The following NKAIN3 variants were observed in gnomAD, a reference collection of about 807,000 sequenced individuals.
NKAIN3 encodes the protein sodium/potassium transporting ATPase interacting 3.
Under a neutral mutation model 30.2 loss-of-function variants are expected in NKAIN3, and 25 were observed. The observed-to-expected ratio is 0.83, with a 90% CI of 0.60 to 1.16. The LOEUF (loss-of-function observed/expected upper bound fraction) is 1.16, where lower values mean the gene tolerates loss of function less well. Among genes scored for constraint, NKAIN3 ranks in the 50% most tolerant of loss-of-function variants. NKAIN3 has a pLI of 0.00. For synonymous variants in NKAIN3, 91 were observed against 89.6 expected (o/e 1.02, Z -0.09); for missense variants, 225 against 254.1 (o/e 0.89, Z 0.78).
At chr8:62,781,381 T>C (rs190468713) in intron 4 of NKAIN3, among the ~76,000 whole-genome samples, 1 of 151,454 alleles carries the variant, frequency 6.6e-6, no homozygotes, top group African/African-American at 2.4e-5. Flanking sequence ...ATGCAATCTT[T>C]ATCAAATTGA....
At chr8:62,758,740 T>C (rs1816540410) in intron 4 of NKAIN3, among the ~76,000 whole-genome samples, 1 of 152,168 alleles carries the variant, frequency 6.6e-6, no homozygotes, top group Admixed American at 6.5e-5. Context: ...TAGGTACATA[T>C]ACATGTTTTA....
At chr8:62,442,332 T>A (rs1805353947) in intron 1 of NKAIN3, among the ~76,000 whole-genome samples, 1 of 152,010 alleles carries the variant, frequency 6.6e-6, no homozygotes, top group South Asian at 2.1e-4. Flanking sequence ...CATTTTATAT[T>A]TTTCTAGAAA....
chr8:62,284,602 C>T (rs1001469301), intron 1 of NKAIN3, among the ~76,000 whole-genome samples: 11 of 151,890 alleles, frequency 7.2e-5, no homozygotes, highest in African/African-American at 2.7e-4. Flanking sequence ...TTCACTTCAG[C>T]CTGGGCAACA....
chr8:62,324,993 A>G (rs1305200728), intron 1 of NKAIN3, among the ~76,000 whole-genome samples: 1 of 152,064 alleles, frequency 6.6e-6, no homozygotes, highest in Non-Finnish European at 1.5e-5. Flanking sequence ...ATACATTTTT[A>G]TTTCAATACT....
intron 3 of NKAIN3, among the ~76,000 whole-genome samples, chr8:62,694,272 A>G (rs574208822): frequency 4.6e-5 from 7 of 152,138 alleles, no homozygotes; most frequent in Non-Finnish European, 1.0e-4. Flanking sequence ...TTGCAGCACT[A>G]TTCACAATAG....
chr8:62,789,329 C>A (rs981123109), intron 4 of NKAIN3, among the ~76,000 whole-genome samples: 4 of 152,224 alleles, frequency 2.6e-5, no homozygotes, highest in Non-Finnish European at 5.9e-5. Context: ...ATTTGGCTCT[C>A]TGTTTGTCTG....
At chr8:62,830,095 G>T (rs1247122481) in intron 4 of NKAIN3, among the ~76,000 whole-genome samples, 1 of 152,096 alleles carries the variant, frequency 6.6e-6, no homozygotes, top group Admixed American at 6.6e-5. Flanking sequence ...AACTCAAGAA[G>T]CTCAAAGTAG....
intron 1 of NKAIN3, among the ~76,000 whole-genome samples, chr8:62,276,319 G>A (rs958619556): frequency 1.3e-5 from 2 of 152,126 alleles, no homozygotes; most frequent in Non-Finnish European, 2.9e-5. Flanking sequence ...GCCTGCCTTG[G>A]CCTCCCAAAT....
chr8:62,355,444 T>C (rs973337129), intron 1 of NKAIN3, among the ~76,000 whole-genome samples: 1 of 152,174 alleles, frequency 6.6e-6, no homozygotes, highest in Non-Finnish European at 1.5e-5. Context: ...TGGCCTGGCA[T>C]TGCTTAGGCT....
chr8:62,863,306 A>T (rs1202689057), intron 4 of NKAIN3: 1 of 1,549,548 alleles, frequency 6.5e-7, no homozygotes, highest in East Asian at 2.3e-5. Flanking sequence ...CTCACTGCAG[A>T]CCCTGAAGGA....
chr8:62,271,755 G>C (rs1345528787), intron 1 of NKAIN3, among the ~76,000 whole-genome samples: 2 of 152,184 alleles, frequency 1.3e-5, no homozygotes, highest in Non-Finnish European at 2.9e-5. Flanking sequence ...TCAGTGAAGA[G>C]AGAATTGATT....
intron 3 of NKAIN3, among the ~76,000 whole-genome samples, chr8:62,609,198 C>T (rs982098313): frequency 6.6e-6 from 1 of 152,072 alleles, no homozygotes; most frequent in Admixed American, 6.6e-5. Context: ...TTTGTTACAC[C>T]AAACATAGAG....
At chr8:62,819,976 A>G (rs1818803410) in intron 4 of NKAIN3, among the ~76,000 whole-genome samples, 1 of 152,134 alleles carries the variant, frequency 6.6e-6, no homozygotes. Flanking sequence ...GGAAAGCAGC[A>G]AATTTTTTAA....
chr8:62,493,781 T>G (rs2129640645), intron 1 of NKAIN3, among the ~76,000 whole-genome samples: 1 of 152,304 alleles, frequency 6.6e-6, no homozygotes, highest in African/African-American at 2.4e-5. Flanking sequence ...TTTTATTCTG[T>G]TTGTGGCAGT....
At chr8:62,753,934 A>C (rs1437243139) in intron 4 of NKAIN3, among the ~76,000 whole-genome samples, 1 of 152,180 alleles carries the variant, frequency 6.6e-6, no homozygotes, top group Non-Finnish European at 1.5e-5. Context: ...TAACTATGTT[A>C]ATTTTAAGAC....
intron 1 of NKAIN3, among the ~76,000 whole-genome samples, chr8:62,259,868 A>G (rs373066350): frequency 6.6e-6 from 1 of 152,176 alleles, no homozygotes; most frequent in African/African-American, 2.4e-5. Flanking sequence ...CATTGGTAAA[A>G]GGAGACGAAG....
At chr8:62,794,416 C>A (rs1817796003) in intron 4 of NKAIN3, among the ~76,000 whole-genome samples, 1 of 152,112 alleles carries the variant, frequency 6.6e-6, no homozygotes, top group South Asian at 2.1e-4. Flanking sequence ...TGTCATCAGG[C>A]AAAAGCAGAG....
In NKAIN3 at chr8:62,309,894, A is replaced by G. The variant is rs551481545; in HGVS notation, c.54+60767A>G. ...TACCCTGAAATAGATGAGATGGAAT[A>G]TCCCTGAAACTCATCTATTTCTCAC... On this transcript the variant is annotated intron_variant, in intron 1 of 6. Coordinates refer to ENST00000623646, the MANE Select transcript of NKAIN3 (RefSeq NM_001304533.3). Among the ~76,000 whole-genome samples the G allele has an allele frequency of 5.0e-4, 76 of 150,514 alleles. 3 individuals are homozygous for G. The highest frequency in any genetic ancestry group is 8.7e-4 in the Non-Finnish European group (59 of 68,014).
At chr8:62,456,468 G>C (rs892575464) in intron 1 of NKAIN3, among the ~76,000 whole-genome samples, 1 of 151,728 alleles carries the variant, frequency 6.6e-6, no homozygotes, top group African/African-American at 2.4e-5. Flanking sequence ...GTAGTGAGCC[G>C]AGATGGCGCC....
Sources: allele counts gnomAD v4.1 joint callset (sites outside exome capture counted in the v4.1 genomes callset), GRCh38; gene constraint gnomAD v4.1.1; transcripts MANE v1.5; gene names NCBI Gene and HGNC (gene_info 2026-07-23, HGNC 2026-07-21).